SLC14A2: variants seen among roughly 807,000 people sequenced by gnomAD.
The protein encoded by SLC14A2 is urea transporter 2.
In SLC14A2, 91 loss-of-function variants were observed where a neutral mutation model predicts 104.6. The ratio of observed to expected loss-of-function variants is 0.87; its 90% CI spans 0.73 to 1.04. SLC14A2 has a LOEUF of 1.04. Among genes scored for constraint, SLC14A2 ranks in the 50% least tolerant of loss-of-function variants. The pLI is 0.00. For synonymous variants in SLC14A2, 476 were observed against 466.4 expected, an observed-to-expected ratio of 1.02 and a Z score of -0.27; for missense variants, 1,189 against 1,156.0, an observed-to-expected ratio of 1.03 and a Z score of -0.41.
intron 2 of SLC14A2, among the ~76,000 whole-genome samples, chr18:45,564,460 C>G (rs1203776597): frequency 6.6e-6 from 1 of 152,152 alleles, no homozygotes; most frequent in Non-Finnish European, 1.5e-5. Context: ...TTCCTGGCAG[C>G]TTTTTCCACA....
chr18:45,171,571 A>AGTG, the SLC14A2 span, among the ~76,000 whole-genome samples: 1 of 152,152 alleles, frequency 6.6e-6, no homozygotes, highest in Non-Finnish European at 1.5e-5. Flanking sequence ...TTTTATAAAA[A>AGTG]GTGTATGGAC....
At chr18:45,487,481 G>C (rs1316628911) in intron 2 of SLC14A2, among the ~76,000 whole-genome samples, 2 of 152,206 alleles carry the variant, frequency 1.3e-5, no homozygotes, top group Non-Finnish European at 2.9e-5. Context: ...TCTTTGAGTA[G>C]AGATGGGCAT....
At chr18:45,500,613 C>T (rs1028175251) in intron 2 of SLC14A2, among the ~76,000 whole-genome samples, 8 of 150,626 alleles carry the variant, frequency 5.3e-5, no homozygotes, top group African/African-American at 2.0e-4. Context: ...CTGCCCTTAT[C>T]CTGACGCATG....
At chr18:45,317,096 T>C (rs557067633) in intron 1 of SLC14A2, among the ~76,000 whole-genome samples, 1 of 152,304 alleles carries the variant, frequency 6.6e-6, no homozygotes, top group South Asian at 2.1e-4. Context: ...TTCTAATACC[T>C]CCTCTAGCCC....
rs188851914 is a variant in SLC14A2, at chr18:45,464,434, T to A, written c.-124-18799T>A. Among the ~76,000 whole-genome samples the A allele has an allele frequency of 1.3e-3, 199 of 152,310 alleles. 1 individual carries two copies. The highest frequency in any genetic ancestry group is 4.6e-3 in the African/African-American group (191 of 41,556). On this transcript the variant is annotated intron_variant, in intron 1 of 20. Coordinates refer to the SLC14A2 transcript ENST00000586448. ...AAATGTAAGGTCAGCTCCCACCTGG[T>A]ACCTAGCGTACTGTCAACGTTCAAT...
chr18:45,344,239 C>T (rs189977952), intron 1 of SLC14A2, among the ~76,000 whole-genome samples: 7 of 152,250 alleles, frequency 4.6e-5, no homozygotes, highest in Admixed American at 2.0e-4. Flanking sequence ...TGAGTTTGAA[C>T]GCCAGTCCTC....
At chr18:45,291,863 A>C (rs2084873214) in intron 1 of SLC14A2, among the ~76,000 whole-genome samples, 1 of 152,134 alleles carries the variant, frequency 6.6e-6, no homozygotes. Context: ...AGAAAACCAC[A>C]AACTGGCCAA....
chr18:45,305,621 T>C (rs961516085), intron 1 of SLC14A2, among the ~76,000 whole-genome samples: 2 of 152,172 alleles, frequency 1.3e-5, no homozygotes, highest in Admixed American at 1.3e-4. Flanking sequence ...ACGTGAACTC[T>C]CAATTAGACC....
intron 10 of SLC14A2, among the ~76,000 whole-genome samples, chr18:45,654,137 T>TGG (rs10625342): frequency 0.72 from 107,559 of 149,490 alleles, 39,890 homozygotes; most frequent in Non-Finnish European, 0.82. Flanking sequence ...GCAGGAATGC[T>TGG]GGGGGGGACG....
At chr18:45,588,595 G>C (rs926832122) in intron 2 of SLC14A2, among the ~76,000 whole-genome samples, 1 of 152,174 alleles carries the variant, frequency 6.6e-6, no homozygotes, top group Non-Finnish European at 1.5e-5. Flanking sequence ...GCTGCCAGAG[G>C]GTGTTACTAA....
chr18:45,340,220 C>A (rs1238961799), intron 1 of SLC14A2, among the ~76,000 whole-genome samples: 15 of 152,200 alleles, frequency 9.9e-5, no homozygotes, highest in Non-Finnish European at 2.1e-4. Context: ...TGTCCAGAAG[C>A]AATTACATGA....
chr18:45,277,419 CT>C (rs1053759312), intron 1 of SLC14A2, among the ~76,000 whole-genome samples: 1 of 152,044 alleles, frequency 6.6e-6, no homozygotes, highest in Admixed American at 6.6e-5. Flanking sequence ...GTTAGTTTTT[CT>C]TTTTTTCTTT....
rs375983482 is a variant in SLC14A2 at position 45,534,041 on chromosome 18, C to T, written c.-35+50719C>T. Among the ~76,000 whole-genome samples the T allele has an allele frequency of 4.6e-5, 7 of 152,294 alleles. No homozygotes were observed. In the East Asian group the frequency reaches 7.7e-4, roughly 17 times the overall value. On this transcript the variant is annotated intron_variant, in intron 2 of 20. Coordinates refer to the SLC14A2 transcript ENST00000586448. ...CTTGTTTAGGGTTTAGGTTTTTGAGCTGTCCCAGTTCTTAAGCTTTTGTGC... is the reference window on the plus strand; with the variant it reads ...CTTGTTTAGGGTTTAGGTTTTTGAGTTGTCCCAGTTCTTAAGCTTTTGTGC...
intron 2 of SLC14A2, chr18:45,507,545 G>C (rs2043304756): frequency 6.6e-6 from 1 of 152,276 alleles, no homozygotes; most frequent in Non-Finnish European, 1.5e-5. Flanking sequence ...CTGTCACCCT[G>C]CAGTCCTGGG....
chr18:45,525,153 AC>A (rs2043576716), intron 2 of SLC14A2, among the ~76,000 whole-genome samples: 6 of 151,926 alleles, frequency 3.9e-5, no homozygotes, highest in Admixed American at 6.6e-5. Context: ...ACACACACAC[AC>A]AAAACTCTCC....
intron 1 of SLC14A2, among the ~76,000 whole-genome samples, chr18:45,455,048 A>G (rs925562579): frequency 2.0e-4 from 31 of 152,308 alleles, no homozygotes; most frequent in African/African-American, 7.2e-4. Flanking sequence ...AAAAAGGTCA[A>G]TGGTAGCTTA....
chr18:45,240,534 A>G (rs1192187506), intron 1 of SLC14A2, among the ~76,000 whole-genome samples: 2 of 152,108 alleles, frequency 1.3e-5, no homozygotes, highest in East Asian at 1.9e-4. Flanking sequence ...TAGATCTTCT[A>G]TGTTCTAAAT....
intron 1 of SLC14A2, among the ~76,000 whole-genome samples, chr18:45,286,446 A>T (rs2084815106): frequency 6.6e-6 from 1 of 152,174 alleles, no homozygotes; most frequent in Non-Finnish European, 1.5e-5. Context: ...CTCGATTTGT[A>T]ATTTCTCATT....
At chr18:45,572,829 A>C (rs1374273227) in intron 2 of SLC14A2, among the ~76,000 whole-genome samples, 1 of 152,242 alleles carries the variant, frequency 6.6e-6, no homozygotes. Flanking sequence ...CGATTGTGCA[A>C]CCCAATGTAA....
Sources: gnomAD v4.1 joint callset for allele counts (sites outside exome capture counted in the v4.1 genomes callset) on GRCh38, gnomAD v4.1.1 for gene constraint, MANE v1.5 for transcripts, NCBI Gene and HGNC (gene_info 2026-07-23, HGNC 2026-07-21) for gene names.